FANCC: variants seen among roughly 807,000 people sequenced by gnomAD.
The protein encoded by FANCC is Fanconi anemia group C protein.
In FANCC, 55 loss-of-function variants were observed where a neutral mutation model predicts 71.3. The observed-to-expected ratio is 0.77, with a 90% CI of 0.62 to 0.97. The LOEUF (loss-of-function observed/expected upper bound fraction) is 0.97, where lower values mean the gene tolerates loss of function less well. Among genes scored for constraint, FANCC ranks in the 50% least tolerant of loss-of-function variants. The pLI, the probability that FANCC is intolerant of heterozygous loss-of-function variation, is 0.00. For missense variants in FANCC, 678 were observed against 670.9 expected, an observed-to-expected ratio of 1.01 and a Z score of -0.12; for synonymous variants, 275 against 244.9, an observed-to-expected ratio of 1.12 and a Z score of -1.15.
chr9:95,105,383 G>A (rs781328502), intron 14 of FANCC, among the ~76,000 whole-genome samples: 3 of 152,096 alleles, frequency 2.0e-5, no homozygotes, highest in Non-Finnish European at 4.4e-5. Flanking sequence ...AGGTGTTGTT[G>A]GTTTGTGAAA....
At chr9:95,292,582 A>G (rs1834107050) in intron 1 of FANCC, 1 of 1,464,148 alleles carries the variant, frequency 6.8e-7, no homozygotes, top group Non-Finnish European at 9.5e-7. Context: ...ACATGGCCCA[A>G]CATCCTGTGC....
intron 1 of FANCC, among the ~76,000 whole-genome samples, chr9:95,301,205 CAA>C (rs750636424): frequency 6.6e-6 from 1 of 151,288 alleles, no homozygotes; most frequent in Non-Finnish European, 1.5e-5. Context: ...CACACACACA[CAA>C]AATTGTTAAA....
intron 4 of FANCC, among the ~76,000 whole-genome samples, chr9:95,177,227 G>T (rs1826061863): frequency 6.6e-6 from 1 of 152,192 alleles, no homozygotes; most frequent in African/African-American, 2.4e-5. Context: ...TGCAGCATGG[G>T]ACTGTACAGA....
intron 4 of FANCC, among the ~76,000 whole-genome samples, chr9:95,227,311 G>A (rs1829680864): frequency 6.6e-6 from 1 of 152,174 alleles, no homozygotes; most frequent in Admixed American, 6.5e-5. Flanking sequence ...GGGCCAGGCA[G>A]GCTCAGTCCC....
intron 12 of FANCC, among the ~76,000 whole-genome samples, chr9:95,112,547 C>G (rs1475247999): frequency 6.6e-6 from 1 of 152,228 alleles, no homozygotes; most frequent in African/African-American, 2.4e-5. Flanking sequence ...ATGGTCAGAG[C>G]TGATGCTCTG....
intron 7 of FANCC, among the ~76,000 whole-genome samples, chr9:95,149,401 T>C (rs1037493057): frequency 2.6e-5 from 4 of 152,050 alleles, no homozygotes; most frequent in South Asian, 4.1e-4. Context: ...TGTTTACCTA[T>C]GTAACAAACC....
chr9:95,150,638 C>T (rs529987215), intron 6 of FANCC, among the ~76,000 whole-genome samples: 12 of 152,292 alleles, frequency 7.9e-5, no homozygotes, highest in African/African-American at 2.4e-4. Flanking sequence ...TTAAAAATTC[C>T]GATCACAACA....
Position 95,240,654 on chromosome 9 carries a change from T to G in FANCC, c.340A>C (p.Ile114Leu). Residue 114 changes from isoleucine to leucine, a missense_variant, in exon 4 of 15, where the codon ATA becomes CTA. By Grantham distance (5) the Ile-to-Leu change is conservative. Coordinates refer to ENST00000289081, the MANE Select transcript of FANCC (RefSeq NM_000136.3). ...AGCAAGATTTACTCTCTTACCTGTATCCAGGAGTTAAGTTTTGATTGTCCA... is the reference window on the plus strand; with the variant it reads ...AGCAAGATTTACTCTCTTACCTGTAGCCAGGAGTTAAGTTTTGATTGTCCA... Reference protein sequence around the residue: ...NSGQSKLNSWIQGVLSHILSA... With the variant: ...NSGQSKLNSWLQGVLSHILSA... The G allele has an allele frequency of 6.2e-7, 1 of 1,601,638 alleles. No homozygotes were observed. Among genetic ancestry groups the G allele is most frequent in the Admixed American group, 1.7e-5 (1 of 60,000 alleles).
chr9:95,136,415 T>C (rs1827704799), intron 7 of FANCC, among the ~76,000 whole-genome samples: 1 of 152,002 alleles, frequency 6.6e-6, no homozygotes, highest in Admixed American at 6.6e-5. Flanking sequence ...TATATGGTAG[T>C]TATGGCCTAG....
intron 14 of FANCC, among the ~76,000 whole-genome samples, chr9:95,104,315 G>A (rs2071277337): frequency 6.6e-6 from 1 of 152,220 alleles, no homozygotes; most frequent in African/African-American, 2.4e-5. Flanking sequence ...TGCCCAGATG[G>A]CCAGCATCCG....
At chr9:95,314,559 G>A (rs1835621838) in intron 1 of FANCC, among the ~76,000 whole-genome samples, 1 of 152,002 alleles carries the variant, frequency 6.6e-6, no homozygotes, top group African/African-American at 2.4e-5. Flanking sequence ...GGCTGAGGCA[G>A]AAGAATCGCT....
At chr9:95,239,622 T>C (rs1830519280) in intron 4 of FANCC, among the ~76,000 whole-genome samples, 1 of 152,246 alleles carries the variant, frequency 6.6e-6, no homozygotes, top group East Asian at 1.9e-4. Context: ...TCTTCCCTAA[T>C]TCTACTTATC....
intron 4 of FANCC, among the ~76,000 whole-genome samples, chr9:95,233,379 C>T (rs147681372): frequency 6.6e-6 from 1 of 152,164 alleles, no homozygotes; most frequent in South Asian, 2.1e-4. Flanking sequence ...CTTGCCTCTG[C>T]TATTTTTCAC....
chr9:95,137,024 G>A (rs186534251), intron 7 of FANCC, among the ~76,000 whole-genome samples: 47 of 152,182 alleles, frequency 3.1e-4, no homozygotes, highest in African/African-American at 1.1e-3. Flanking sequence ...CAAACTTGAT[G>A]TCTATTCATT....
At chr9:95,127,010 C>T (rs1424775622) in intron 8 of FANCC, 1 of 229,690 alleles carries the variant, frequency 4.4e-6, no homozygotes, top group Non-Finnish European at 8.7e-6. Flanking sequence ...CCTGTTTATT[C>T]GGTAATGGGT....
At chr9:95,243,234 G>A (rs1273725124) in intron 3 of FANCC, among the ~76,000 whole-genome samples, 2 of 152,158 alleles carry the variant, frequency 1.3e-5, no homozygotes, top group East Asian at 3.9e-4. Context: ...ATGCTTAATC[G>A]TGAGGGCAGA....
rs574629756 is a variant in FANCC at position 95,152,745 on chromosome 9, G to C, written c.522-2658C>G. ...TTTTAATGCATCCATCACCCGAGTA[G>C]ACTGCACCTAATGTGTAGTTTTTTT... On this transcript the variant is annotated intron_variant, in intron 6 of 14. Coordinates refer to ENST00000289081, the MANE Select transcript of FANCC (RefSeq NM_000136.3). Among the ~76,000 whole-genome samples the C allele has an allele frequency of 2.6e-5, 4 of 152,188 alleles. No homozygotes were observed. The South Asian group carries it at 8.3e-4, about 32-fold the overall frequency.
At chr9:95,304,589 G>A (rs1834959095) in intron 1 of FANCC, among the ~76,000 whole-genome samples, 4 of 144,808 alleles carry the variant, frequency 2.8e-5, no homozygotes, top group Non-Finnish European at 3.0e-5. Context: ...TACTAAAAAC[G>A]AAAAAAAAAA....
intron 7 of FANCC, among the ~76,000 whole-genome samples, chr9:95,148,760 C>G (rs1829897385): frequency 1.3e-5 from 2 of 152,124 alleles, no homozygotes; most frequent in South Asian, 4.1e-4. Context: ...CAAGACAGAC[C>G]AATGGGTTTC....
Sources: gnomAD v4.1 joint callset for allele counts (sites outside exome capture counted in the v4.1 genomes callset) on GRCh38, gnomAD v4.1.1 for gene constraint, MANE v1.5 for transcripts, NCBI Gene and HGNC (gene_info 2026-07-23, HGNC 2026-07-21) for gene names.